The following LTBP1 variants were observed in gnomAD, a reference collection of about 807,000 sequenced individuals.
LTBP1 encodes the protein latent-transforming growth factor beta-binding protein 1.
LTBP1 carries 129 observed loss-of-function variants against 207.6 expected under a neutral mutation model. The observed-to-expected ratio is 0.62, with a 90% confidence interval of 0.54 to 0.72. LTBP1 has a LOEUF of 0.72. LTBP1 is among the 30% of genes least tolerant of loss of function. LTBP1 has a pLI of 0.00. For missense variants in LTBP1, 2,281 were observed against 2,217.2 expected (o/e 1.03, Z -0.58); for synonymous variants, 963 against 833.7 (o/e 1.16, Z -2.67).
chr2:33,170,450 G>A (rs540473883), intron 5 of LTBP1, among the ~76,000 whole-genome samples: 3 of 152,228 alleles, frequency 2.0e-5, no homozygotes, highest in Non-Finnish European at 1.5e-5. Context: ...CCAGGCTGGG[G>A]GAGGGGCGCC....
chr2:33,017,309 C>T (rs1340675755), intron 2 of LTBP1, among the ~76,000 whole-genome samples: 1 of 152,188 alleles, frequency 6.6e-6, no homozygotes, highest in African/African-American at 2.4e-5. Flanking sequence ...TATAAGTCCT[C>T]AGAAACTTGC....
chr2:33,341,729 A>ATATATATATATATATATAT (rs1553509296), intron 24 of LTBP1, among the ~76,000 whole-genome samples: 11 of 93,616 alleles, frequency 1.2e-4, no homozygotes, highest in East Asian at 3.3e-4. Flanking sequence ...AAAAAAAAAA[A>ATATATATATATATATATAT]ATATATATAT....
chr2:33,375,758 G>T (rs2150296882), intron 31 of LTBP1, among the ~76,000 whole-genome samples: 1 of 149,916 alleles, frequency 6.7e-6, no homozygotes, highest in East Asian at 2.0e-4. Context: ...TAGCCAGGGT[G>T]GCCTCAATCT....
chr2:33,096,334 G>C (rs1227390243), intron 3 of LTBP1, among the ~76,000 whole-genome samples: 1 of 152,142 alleles, frequency 6.6e-6, no homozygotes, highest in Non-Finnish European at 1.5e-5. Context: ...TGAAAATGGA[G>C]ACAATTTGTT....
intron 19 of LTBP1, among the ~76,000 whole-genome samples, chr2:33,281,749 T>C (rs1311475520): frequency 1.3e-5 from 2 of 152,264 alleles, no homozygotes; most frequent in Non-Finnish European, 1.5e-5. Context: ...TATTCATTAG[T>C]TTTTTATTTG....
chr2:33,172,329 A>C (rs1034996075), intron 5 of LTBP1, among the ~76,000 whole-genome samples: 4 of 152,178 alleles, frequency 2.6e-5, no homozygotes, highest in African/African-American at 9.6e-5. Flanking sequence ...CAAATGGAAA[A>C]CAAAAAAAGG....
At chr2:33,170,826 G>A (rs1334231756) in intron 5 of LTBP1, among the ~76,000 whole-genome samples, 1 of 151,900 alleles carries the variant, frequency 6.6e-6, no homozygotes, top group Admixed American at 6.6e-5. Context: ...CCAGAGGAAC[G>A]ATCAGACAGC....
At chr2:33,296,326 A>C (rs928276638) in intron 20 of LTBP1, among the ~76,000 whole-genome samples, 1 of 151,996 alleles carries the variant, frequency 6.6e-6, no homozygotes, top group Non-Finnish European at 1.5e-5. Context: ...TTCAGCTAGC[A>C]TTCTCTGACC....
At chr2:33,164,846 A>G (rs1180506779) in intron 5 of LTBP1, among the ~76,000 whole-genome samples, 2 of 152,234 alleles carry the variant, frequency 1.3e-5, no homozygotes, top group African/African-American at 2.4e-5. Context: ...TGAAGTTTGT[A>G]TACAGACAGT....
rs148146435 is a variant in LTBP1, at chr2:33,113,837, C to A, written c.1033+3086C>A. The stretch of plus-strand genomic sequence containing the variant: ...TATCTCAGTTTGTTTATCCATTCAT[C>A]AGTTGATGGACATTTGGGGTTGTTC... On this transcript the variant is annotated intron_variant, in intron 4 of 33. Transcript: ENST00000404816. 2.1e-3 allele frequency among the ~76,000 whole-genome samples: 318 copies of A among 152,286 alleles called. 1 individual carries two copies. The highest frequency in any genetic ancestry group is 3.9e-3 in the Non-Finnish European group (262 of 68,034).
At chr2:33,342,751 T>G (rs1207204886) in intron 24 of LTBP1, 87 bp from the exon 25 acceptor site, 1 of 1,348,616 alleles carries the variant, frequency 7.4e-7, no homozygotes, top group African/African-American at 1.4e-5. Flanking sequence ...AATCAGGATG[T>G]GTTGAGTGCC....
intron 2 of LTBP1, among the ~76,000 whole-genome samples, chr2:33,012,472 T>C (rs1687806345): frequency 1.3e-5 from 2 of 152,370 alleles, no homozygotes; most frequent in Admixed American, 6.5e-5. Flanking sequence ...GTCCCTTGAA[T>C]ATAATAACTC....
At chr2:33,049,357 T>C (rs953520520) in intron 3 of LTBP1, among the ~76,000 whole-genome samples, 2 of 152,226 alleles carry the variant, frequency 1.3e-5, no homozygotes, top group African/African-American at 4.8e-5. Flanking sequence ...GTAGTTAGTG[T>C]ATGAGATTGA....
rs560514498 is a variant in LTBP1, at chr2:33,260,543, A to C, written c.2418+933A>C. On this transcript the variant is annotated intron_variant, in intron 13 of 33. Transcript: ENST00000404816. ...TTTTAAATAGTATTCTAAATCTTATAATTATGGGATAGAGTAACATATATG... is the reference window on the plus strand; with the variant it reads ...TTTTAAATAGTATTCTAAATCTTATCATTATGGGATAGAGTAACATATATG... Among the ~76,000 whole-genome samples the C allele has an allele frequency of 8.5e-5, 13 of 152,360 alleles. No individual in the cohort carries two copies. The South Asian group carries it at 2.1e-3, about 24-fold the overall frequency.
intron 31 of LTBP1, among the ~76,000 whole-genome samples, chr2:33,379,589 A>G (rs924358923): frequency 6.6e-6 from 1 of 152,230 alleles, no homozygotes; most frequent in Non-Finnish European, 1.5e-5. Flanking sequence ...AGAAGTTGCT[A>G]GGACTGTATC....
chr2:33,300,466 A>G lies in LTBP1; in HGVS notation c.3251A>G (p.Gln1084Arg), dbSNP rs1402298446. 4 of 1,613,450 alleles carry G rather than the reference A, an allele frequency of 2.5e-6. No homozygotes were observed. Among genetic ancestry groups the G allele is most frequent in the Non-Finnish European group, 3.4e-6 (4 of 1,179,560 alleles). The change falls in exon 21 of 34, where the codon CAG (glutamine) becomes CGG (arginine). Residue 1084 changes from glutamine (Q) to arginine (R), a missense_variant. By Grantham distance (43) the Gln-to-Arg change is conservative. Coordinates refer to ENST00000404816, the MANE Select transcript of LTBP1 (RefSeq NM_206943.4). ...HKHCRDIDEC[Q>R]QGNLCVNGQC... Reference sequence around the variant, plus strand: ...GTGTTTGCAGATATTGATGAATGTCAGCAAGGGAATCTATGTGTAAACGGG... The same window carrying G: ...GTGTTTGCAGATATTGATGAATGTCGGCAAGGGAATCTATGTGTAAACGGG...
At chr2:33,325,034 A>G (rs920788477) in intron 24 of LTBP1, among the ~76,000 whole-genome samples, 3 of 152,172 alleles carry the variant, frequency 2.0e-5, no homozygotes, top group Non-Finnish European at 4.4e-5. Flanking sequence ...TTTATTTTAA[A>G]TCATATAGAA....
intron 3 of LTBP1, 122 bp downstream of exon 3, chr2:33,021,328 TCTTTC>T (rs2075155595): frequency 4.3e-6 from 4 of 937,906 alleles, no homozygotes; most frequent in Middle Eastern, 2.2e-4. Flanking sequence ...ATAATGTTTT[TCTTTC>T]CTTTCTTAAG....
At chr2:33,095,164 A>G (rs910672183) in intron 3 of LTBP1, among the ~76,000 whole-genome samples, 1 of 152,206 alleles carries the variant, frequency 6.6e-6, no homozygotes, top group African/African-American at 2.4e-5. Context: ...TAAGATATAG[A>G]TGGGGCAAAT....
Sources: allele counts gnomAD v4.1 joint callset (sites outside exome capture counted in the v4.1 genomes callset), GRCh38; gene constraint gnomAD v4.1.1; transcripts MANE v1.5; gene names NCBI Gene and HGNC (gene_info 2026-07-23, HGNC 2026-07-21).